Variants in VIT observed in about 807,000 individuals in gnomAD.
The protein encoded by VIT is vitrin.
VIT carries 99 observed loss-of-function variants against 78.0 expected under a neutral mutation model. The ratio of observed to expected loss-of-function variants is 1.27; its 90% CI spans 1.08 to 1.50. The LOEUF is 1.50. Ranked by LOEUF, VIT falls within the 40% of genes most tolerant of loss-of-function variation. VIT has a pLI of 0.00. For missense variants in VIT, 1,126 were observed against 875.3 expected, an observed-to-expected ratio of 1.29 and a Z score of -3.61; for synonymous variants, 374 against 334.3, an observed-to-expected ratio of 1.12 and a Z score of -1.29.
chr2:36,733,222 C>T (rs1471356687), intron 3 of VIT, among the ~76,000 whole-genome samples: 1 of 152,206 alleles, frequency 6.6e-6, no homozygotes, highest in Non-Finnish European at 1.5e-5. Flanking sequence ...GCAGGAAATA[C>T]AGCTGTAACT....
intron 6 of VIT, 103 bp from the exon 7 acceptor site, chr2:36,766,991 C>T: frequency 1.5e-6 from 2 of 1,306,258 alleles, no homozygotes; most frequent in East Asian, 2.9e-5. Flanking sequence ...TAGCACAGCT[C>T]TGTGCTCATA....
Position 36,746,016 on chromosome 2 carries a change from A to C in VIT, c.275+2760A>C, listed in dbSNP as rs142079750. Reference sequence around the variant, plus strand: ...GTCAGTTGAGAGTTTTTATCATGAAAGGATATTGGATCTTATCAAAAGCTT... The same window carrying C: ...GTCAGTTGAGAGTTTTTATCATGAACGGATATTGGATCTTATCAAAAGCTT... On this transcript the variant is annotated intron_variant, in intron 4 of 15. Transcript: ENST00000379242. 1.4e-3 allele frequency among the ~76,000 whole-genome samples: 208 copies of C among 152,196 alleles called. 2 individuals carry two copies. Among genetic ancestry groups the C allele is most frequent in the African/African-American group, 4.8e-3 (201 of 41,536 alleles).
At chr2:36,790,916 C>T (rs1665450965) in intron 12 of VIT, among the ~76,000 whole-genome samples, 1 of 72 alleles carries the variant, frequency 0.014, no homozygotes, top group Non-Finnish European at 0.036. Context: ...GAAAGAACAG[C>T]CAGGCAAGCC....
intron 2 of VIT, among the ~76,000 whole-genome samples, chr2:36,717,367 TGTGTG>T (rs1666225639): frequency 6.9e-6 from 1 of 144,806 alleles, no homozygotes. Flanking sequence ...TGTGTGTGTG[TGTGTG>T]TGTGTGTGTG....
chr2:36,768,478 G>C (rs1483050435), intron 7 of VIT, among the ~76,000 whole-genome samples: 1 of 152,188 alleles, frequency 6.6e-6, no homozygotes, highest in African/African-American at 2.4e-5. Flanking sequence ...GAATATGCTA[G>C]CCCATCTTCT....
At chr2:36,800,118 A>G (rs1337031423) in intron 12 of VIT, among the ~76,000 whole-genome samples, 1 of 151,786 alleles carries the variant, frequency 6.6e-6, no homozygotes, top group Non-Finnish European at 1.5e-5. Context: ...AGGCCAAGGC[A>G]GGTGGATCAC....
intron 1 of VIT, among the ~76,000 whole-genome samples, chr2:36,704,120 T>G (rs1200423103): frequency 6.6e-6 from 1 of 152,034 alleles, no homozygotes. Context: ...GAGCTGGGGT[T>G]TCACCATGTT....
At chr2:36,769,053 A>G (rs1346580619) in intron 7 of VIT, among the ~76,000 whole-genome samples, 4 of 152,186 alleles carry the variant, frequency 2.6e-5, no homozygotes, top group Non-Finnish European at 5.9e-5. Flanking sequence ...TAATATTAAC[A>G]CAGGTGCACA....
intron 9 of VIT, 92 bp downstream of exon 9, chr2:36,775,159 G>A: frequency 6.9e-7 from 1 of 1,440,910 alleles, no homozygotes; most frequent in Non-Finnish European, 9.5e-7. Flanking sequence ...ACTTGTTCTT[G>A]GCCTCTGCAG....
At chr2:36,783,458 T>G in intron 11 of VIT, 56 bp downstream of exon 11, 1 of 1,566,856 alleles carries the variant, frequency 6.4e-7, no homozygotes. Context: ...AACTGCTCTC[T>G]CCTCTCTTCC....
chr2:36,713,170 T>C (rs1301086055), intron 1 of VIT, among the ~76,000 whole-genome samples: 1 of 152,204 alleles, frequency 6.6e-6, no homozygotes, highest in Non-Finnish European at 1.5e-5. Flanking sequence ...AGGATTGTGA[T>C]TTTAAATTGG....
rs139137847 is a variant in VIT at position 36,808,666 on chromosome 2, C to T, written c.1584C>T (p.Thr528=). Residue 528 remains threonine, a synonymous_variant, in exon 15 of 16, where the codon ACC becomes ACT. Coordinates refer to ENST00000379242, the MANE Select transcript of VIT (RefSeq NM_053276.4). Reference sequence around the variant, plus strand: ...GTGTGGGGACGGGCAACTTCCGCACCGTCCTCCAGTTTGTGACCAACCTCA... The same window carrying T: ...GTGTGGGGACGGGCAACTTCCGCACTGTCCTCCAGTTTGTGACCAACCTCA... The part of the protein sequence containing the change: ...SSSVGTGNFR[T]VLQFVTNLTK... 6.1e-5 allele frequency: 99 copies of T among 1,614,208 alleles called. No homozygotes were observed. The African/African-American group carries it at 1.2e-3, about 20-fold the overall frequency.
At chr2:36,753,544 T>C (rs933133474) in intron 4 of VIT, among the ~76,000 whole-genome samples, 1 of 152,118 alleles carries the variant, frequency 6.6e-6, no homozygotes, top group Admixed American at 6.5e-5. Context: ...AGAGTTTAAG[T>C]TGTGAGAACA....
chr2:36,699,607 G>C (rs77509529), intron 1 of VIT, among the ~76,000 whole-genome samples: 2 of 117,618 alleles, frequency 1.7e-5, no homozygotes, highest in African/African-American at 6.3e-5. Flanking sequence ...TATAGATATA[G>C]ATATAGATAG....
intron 11 of VIT, among the ~76,000 whole-genome samples, chr2:36,785,758 C>G (rs1665052298): frequency 6.6e-6 from 1 of 152,226 alleles, no homozygotes; most frequent in South Asian, 2.1e-4. Flanking sequence ...ACGGGTCCCT[C>G]TCATCTCCTA....
chr2:36,777,076 G>C (rs539077188), intron 9 of VIT, among the ~76,000 whole-genome samples: 2 of 51,792 alleles, frequency 3.9e-5, no homozygotes, highest in Middle Eastern at 0.013. Context: ...GCGACAGAGC[G>C]AGACTCTGTC....
intron 4 of VIT, among the ~76,000 whole-genome samples, chr2:36,752,063 T>C (rs1414075035): frequency 6.6e-6 from 1 of 152,128 alleles, no homozygotes. Flanking sequence ...GTTTAGAAAC[T>C]CAGATTAATT....
At chr2:36,769,794 T>G (rs1383168159) in intron 7 of VIT, among the ~76,000 whole-genome samples, 1 of 152,162 alleles carries the variant, frequency 6.6e-6, no homozygotes, top group Non-Finnish European at 1.5e-5. Flanking sequence ...TAGAACATTT[T>G]CATCCCCCAA....
At chr2:36,802,059 T>G (rs539759013) in intron 13 of VIT, among the ~76,000 whole-genome samples, 1 of 152,278 alleles carries the variant, frequency 6.6e-6, no homozygotes, top group African/African-American at 2.4e-5. Flanking sequence ...ACTACCGTTG[T>G]AGTGATGATT....
Sources: gnomAD v4.1 joint callset for allele counts (sites outside exome capture counted in the v4.1 genomes callset) on GRCh38, gnomAD v4.1.1 for gene constraint, MANE v1.5 for transcripts, NCBI Gene and HGNC (gene_info 2026-07-23, HGNC 2026-07-21) for gene names.